LYST: variants seen among roughly 807,000 people sequenced by gnomAD.
LYST encodes the protein lysosomal trafficking regulator.
In LYST, 192 loss-of-function variants were observed where a neutral mutation model predicts 413.6. The observed-to-expected ratio is 0.46, with a 90% CI of 0.41 to 0.52. LYST has a LOEUF of 0.52. LYST is among the 20% of genes least tolerant of loss of function. The pLI, the probability that LYST is intolerant of heterozygous loss-of-function variation, is 0.00. For synonymous variants in LYST, 1,525 were observed against 1,567.3 expected (o/e 0.97, Z 0.64); for missense variants, 3,815 against 4,499.9 (o/e 0.85, Z 4.35).
chr1:235,704,216 T>G (rs1055336987), intron 44 of LYST, among the ~76,000 whole-genome samples: 1 of 152,222 alleles, frequency 6.6e-6, no homozygotes, highest in Admixed American at 6.5e-5. Context: ...GCAGTGAACA[T>G]TCATGTACAT....
At chr1:235,845,126 C>CT (rs1394765531) in intron 1 of LYST, among the ~76,000 whole-genome samples, 1 of 152,168 alleles carries the variant, frequency 6.6e-6, no homozygotes, top group African/African-American at 2.4e-5. Flanking sequence ...CGGATTGCTC[C>CT]TGCAGGCCCC....
In LYST at chr1:235,741,500, C is replaced by T; in HGVS notation, c.8280G>A (p.Glu2760=). The T allele has an allele frequency of 1.9e-6, 3 of 1,614,132 alleles. No individual in the cohort carries two copies. The highest frequency in any genetic ancestry group is 2.5e-6 in the Non-Finnish European group (3 of 1,180,012). The change falls in exon 31 of 53, where the codon GAG becomes GAA. Residue 2760 remains glutamate (E), a synonymous_variant. Coordinates refer to ENST00000389793, the MANE Select transcript of LYST (RefSeq NM_000081.4). The part of the protein sequence containing the change: ...HILSPAHAAQ[E]RKQIFEIVHE... ...GAACTATTTCAAAAATTTGCTTTCT[C>T]TCTTGTGCAGCGTGGGCTGGCGACA...
At position 235,715,131 on chromosome 1, in the gene LYST, A is replaced by AGTTGTT. The variant is rs3831362; in HGVS notation, c.9784+64_9784+69dup. 1.1e-3 allele frequency: 1,251 copies of AGTTGTT among 1,176,676 alleles called. 1 individual carries two copies. Among genetic ancestry groups the AGTTGTT allele is most frequent in the South Asian group, 2.5e-3 (201 of 80,864 alleles). 72.9% of individuals were successfully genotyped at this position (1,176,676 alleles called of 1,614,324 possible). A position where few individuals can be genotyped will look rare whatever the true frequency, so the allele number is the denominator to read the frequency against. ...AATAGTTCTTAAAATGTCAGTCCTAAGTTGTTGTTGTTGTTGTTGTTGTTT... is the reference window on the plus strand; with the variant it reads ...AATAGTTCTTAAAATGTCAGTCCTAAGTTGTTGTTGTTGTTGTTGTTGTTGTTGTTT... On this transcript the variant is annotated intron_variant, in intron 42 of 52. Transcript: ENST00000389793.
chr1:235,775,727 A>G (rs1669167076), intron 17 of LYST, among the ~76,000 whole-genome samples: 2 of 152,104 alleles, frequency 1.3e-5, no homozygotes, highest in African/African-American at 4.8e-5. Context: ...GCAGGAATAA[A>G]GGGGTGGCTA....
At chr1:235,833,165 G>C (rs1676183086) in intron 2 of LYST, among the ~76,000 whole-genome samples, 1 of 151,266 alleles carries the variant, frequency 6.6e-6, no homozygotes, top group Non-Finnish European at 1.5e-5. Context: ...TGTATATTAG[G>C]AAGTATTCAC....
chr1:235,698,762 G>A (rs1395672270), intron 45 of LYST, among the ~76,000 whole-genome samples: 13 of 151,942 alleles, frequency 8.6e-5, no homozygotes, highest in South Asian at 2.1e-4. Context: ...AGTCCCAGCT[G>A]CTCGGGAGGC....
intron 8 of LYST, among the ~76,000 whole-genome samples, chr1:235,801,507 T>C (rs1447105332): frequency 6.6e-6 from 1 of 152,142 alleles, no homozygotes; most frequent in Non-Finnish European, 1.5e-5. Context: ...GTTGGAAGAA[T>C]GATCAATTTT....
intron 48 of LYST, among the ~76,000 whole-genome samples, chr1:235,684,820 G>A (rs1416194228): frequency 6.6e-6 from 1 of 151,824 alleles, no homozygotes; most frequent in Non-Finnish European, 1.5e-5. Context: ...GTAGAAATAA[G>A]GTCTTGCTAT....
intron 1 of LYST, among the ~76,000 whole-genome samples, chr1:235,866,116 C>T (rs1680472401): frequency 1.3e-5 from 2 of 152,180 alleles, no homozygotes; most frequent in Non-Finnish European, 2.9e-5. Context: ...ACAACCCCTT[C>T]GTTGGGCTTT....
chr1:235,678,961 T>C (rs1659598915), intron 48 of LYST, among the ~76,000 whole-genome samples: 1 of 152,208 alleles, frequency 6.6e-6, no homozygotes, highest in South Asian at 2.1e-4. Context: ...ATATCTGTGT[T>C]GATATATTAG....
rs1663631401 is a variant in LYST at position 235,724,097 on chromosome 1, C to CA, written c.9245dup (p.Leu3082PhefsTer4). On this transcript the variant is annotated frameshift_variant, in exon 39 of 53. Transcript: ENST00000389793. LOFTEE classifies it high-confidence loss of function. ...GAAAGATTTCTACAGCATTATCTCT[C>CA]AATTGCCACCAACGCTTGTGAACTT... 21 of 1,613,304 alleles carry CA rather than the reference C, an allele frequency of 1.3e-5. No homozygotes were observed. Among genetic ancestry groups the CA allele is most frequent in the Non-Finnish European group, 1.8e-5 (21 of 1,179,266 alleles).
chr1:235,723,100 G>A (rs1230302848), intron 39 of LYST, among the ~76,000 whole-genome samples: 1 of 152,152 alleles, frequency 6.6e-6, no homozygotes, highest in African/African-American at 2.4e-5. Context: ...TATGAGAGAA[G>A]AACAAGAGTC....
In LYST at chr1:235,808,522, T is replaced by C; in HGVS notation, c.2296A>G (p.Asn766Asp). ...AGCACGTCCTGAGGCAAGCACTGGT[T>C]ATGATGGCTACATACATGACTTTGA... is the stretch of plus-strand genomic sequence containing the variant. ...SAQSHVCSHH[N>D]QCLPQDVLQI... The change falls in exon 5 of 53, where the codon AAC becomes GAC. Residue 766 changes from asparagine (N) to aspartate (D), a missense_variant. Physicochemically the swap from Asn to Asp is conservative, Grantham distance 23. Transcript: ENST00000389793. 1.2e-6 allele frequency: 2 copies of C among 1,613,952 alleles called. No homozygotes were observed. Among genetic ancestry groups the C allele is most frequent in the Non-Finnish European group, 1.7e-6 (2 of 1,179,930 alleles).
Position 235,697,092 on chromosome 1 carries a change from T to C in LYST, c.10555A>G (p.Lys3519Glu), listed in dbSNP as rs781724659. ...RNFCLLMTYS[K>E]EQGVRSMNST... is the part of the protein sequence containing the mutation. ...TTACATTTTATTTTACCTTGTTCCTTGCTATATGTCATCAGAAGACAGAAA... is the reference window on the plus strand; with the variant it reads ...TTACATTTTATTTTACCTTGTTCCTCGCTATATGTCATCAGAAGACAGAAA... Residue 3519 changes from lysine to glutamate, a missense_variant, in exon 46 of 53, where the codon AAG becomes GAG. Lys to Glu is a moderately conservative substitution (Grantham distance 56). Coordinates refer to ENST00000389793, the MANE Select transcript of LYST (RefSeq NM_000081.4). The C allele has an allele frequency of 6.8e-6, 11 of 1,613,802 alleles. No individual in the cohort carries two copies. The highest frequency in any genetic ancestry group is 9.3e-6 in the Non-Finnish European group (11 of 1,179,794).
chr1:235,776,335 G>A (rs557927457), intron 17 of LYST, among the ~76,000 whole-genome samples: 2 of 152,260 alleles, frequency 1.3e-5, no homozygotes, highest in African/African-American at 4.8e-5. Flanking sequence ...ATTAATCAAC[G>A]ATGCTTCCAT....
rs116211415 is a variant in LYST at position 235,664,659 on chromosome 1, T to C, written c.11039-38A>G. 4.6e-3 allele frequency: 7,408 copies of C among 1,612,354 alleles called. 290 individuals are homozygous for C. The African/African-American group carries it at 0.083, about 18-fold the overall frequency. ...AATCATCCGGCGGGTTACCAGAATG[T>C]GGCTGTCTCAGAGCCCACATTTGGC... On this transcript the variant is annotated intron_variant, in intron 50 of 52. Transcript: ENST00000389793. This position sits in a 1 kb window ranked among gnomAD's most constrained non-coding sequence, Gnocchi z 4.5.
Position 235,686,454 on chromosome 1 carries a change from C to T in LYST, c.10800+495G>A, listed in dbSNP as rs1351428898. On this transcript the variant is annotated intron_variant, in intron 48 of 52. Coordinates refer to ENST00000389793, the MANE Select transcript of LYST (RefSeq NM_000081.4). This position sits in a 1 kb window ranked among gnomAD's most constrained non-coding sequence, Gnocchi z 4.0. ...TTGCATAATCTGTCTTATTTTTTCC[C>T]GTTTTATGATTCAACTCCAAAATCC... Among the ~76,000 whole-genome samples, 3 of 152,088 alleles carry T rather than the reference C, an allele frequency of 2.0e-5. No individual in the cohort carries two copies. Among genetic ancestry groups the T allele is most frequent in the African/African-American group, 4.8e-5 (2 of 41,416 alleles).
At chr1:235,737,751 TA>T in intron 31 of LYST, 1 of 232,088 alleles carries the variant, frequency 4.3e-6, no homozygotes, top group Non-Finnish European at 7.2e-6. Context: ...CCTGAGCTCC[TA>T]ATGACACTCC....
chr1:235,783,884 TTTTC>T (rs1355587050), intron 14 of LYST, among the ~76,000 whole-genome samples: 2 of 106,132 alleles, frequency 1.9e-5, no homozygotes, highest in Non-Finnish European at 1.8e-5. Context: ...TTCTTTTTTT[TTTTC>T]TTTTAAATTG....
Sources: allele counts gnomAD v4.1 joint callset (sites outside exome capture counted in the v4.1 genomes callset), GRCh38; gene constraint gnomAD v4.1.1; non-coding constraint Gnocchi (gnomAD v3.1); transcripts MANE v1.5; gene names NCBI Gene and HGNC (gene_info 2026-07-23, HGNC 2026-07-21).